Variants in TMEM245 observed in about 807,000 individuals in gnomAD.
TMEM245 encodes transmembrane protein 245, also known as protein CG-2.
TMEM245 carries 69 observed loss-of-function variants against 101.2 expected under a neutral mutation model. The observed-to-expected ratio is 0.68, with a 90% CI of 0.56 to 0.83. The LOEUF (loss-of-function observed/expected upper bound fraction) is 0.83. Ranked by LOEUF, TMEM245 falls within the 40% of genes least tolerant of loss-of-function variation. The probability of loss-of-function intolerance (pLI) is 0.00; values close to 1 mark genes in which losing one functional copy is unlikely to be tolerated. For missense variants in TMEM245, 1,075 were observed against 1,092.8 expected (o/e 0.98, Z 0.23); for synonymous variants, 537 against 449.8 (o/e 1.19, Z -2.45).
chr9:109,050,648 C>G lies in TMEM245; in HGVS notation c.1899G>C (p.Leu633=). The G allele has an allele frequency of 6.2e-7, 1 of 1,613,158 alleles. No individual in the cohort carries two copies. Among genetic ancestry groups the G allele is most frequent in the Non-Finnish European group, 8.5e-7 (1 of 1,179,862 alleles). The part of the protein sequence containing the change: ...LWIVMSRNVS[L]LFTTVTTLLT... ...AGAGTGTAGTGACAGTGGTGAACAG[C>G]AGGCTCACATTCCGGCTCATAACGA... The change falls in exon 13 of 18, where the codon CTG becomes CTC. Residue 633 remains leucine, a synonymous_variant. Coordinates refer to ENST00000374586, the MANE Select transcript of TMEM245 (RefSeq NM_032012.4).
chr9:109,034,994 T>C (rs1255067768), intron 16 of TMEM245, among the ~76,000 whole-genome samples: 2 of 151,150 alleles, frequency 1.3e-5, no homozygotes, highest in Non-Finnish European at 1.5e-5. Flanking sequence ...CCATCTCTAG[T>C]AAAAATACAA....
Position 109,036,409 on chromosome 9 carries a change from T to A in TMEM245, c.2225-29A>T, listed in dbSNP as rs887587079. 5.8e-6 allele frequency: 9 copies of A among 1,547,290 alleles called. No homozygotes were observed. The Admixed American group carries it at 1.3e-4, about 23-fold the overall frequency. On this transcript the variant is annotated intron_variant, in intron 15 of 17. Coordinates refer to ENST00000374586, the MANE Select transcript of TMEM245 (RefSeq NM_032012.4). Reference sequence around the variant, plus strand: ...AAAAAAGAGTAAAAGAAAAACAACTTAACATCATCAGCAAAACACTAACAA... The same window carrying A: ...AAAAAAGAGTAAAAGAAAAACAACTAAACATCATCAGCAAAACACTAACAA...
At chr9:109,115,651 C>T (rs1020950487) in intron 1 of TMEM245, among the ~76,000 whole-genome samples, 50 of 150,568 alleles carry the variant, frequency 3.3e-4, no homozygotes, top group African/African-American at 1.2e-3. Flanking sequence ...CTGCCTCAGC[C>T]TCCAGAGTAG....
intron 1 of TMEM245, among the ~76,000 whole-genome samples, chr9:109,109,546 T>TA (rs1830515208): frequency 6.6e-6 from 1 of 152,116 alleles, no homozygotes; most frequent in Admixed American, 6.5e-5. Flanking sequence ...AACTATCTCC[T>TA]ACGTTATTTT....
intron 12 of TMEM245, among the ~76,000 whole-genome samples, chr9:109,053,221 T>C (rs905206942): frequency 1.3e-5 from 2 of 151,700 alleles, no homozygotes; most frequent in African/African-American, 4.8e-5. Context: ...AAGCCAGGAG[T>C]TTGAGACCAG....
chr9:109,101,877 T>G (rs1038551369), intron 3 of TMEM245, among the ~76,000 whole-genome samples: 4 of 152,224 alleles, frequency 2.6e-5, no homozygotes, highest in African/African-American at 9.6e-5. Context: ...CCCTTACAGT[T>G]TTCTAGGCTG....
rs759710841 is a variant in TMEM245 at position 109,020,486 on chromosome 9, C to T, written c.2614G>A (p.Glu872Lys). Residue 872 changes from glutamate (E) to lysine (K), a missense_variant, in exon 18 of 18, where the codon GAA (glutamate) becomes AAA (lysine). Around this residue, in one of 2 missense-constraint regions of TMEM245, gnomAD observed 267 missense variants for 351.3 expected, o/e 0.76. Transcript: ENST00000374586. Reference protein sequence around the residue: ...QPQRTFRDISEDLKSSVG With the variant: ...QPQRTFRDISKDLKSSVG ...CAACCTACTGAAGATTTCAGATCTT[C>T]AGAAATGTCACGGAAAGTCCTAAAA... 22 of 1,613,900 alleles carry T rather than the reference C, an allele frequency of 1.4e-5. No homozygotes were observed. The highest frequency in any genetic ancestry group is 1.6e-5 in the Non-Finnish European group (19 of 1,179,966).
chr9:109,048,513 A>C (rs890465133), intron 14 of TMEM245, among the ~76,000 whole-genome samples: 1 of 152,226 alleles, frequency 6.6e-6, no homozygotes, highest in Non-Finnish European at 1.5e-5. Flanking sequence ...CAGAAATGCC[A>C]GCCAAAGATT....
intron 10 of TMEM245, among the ~76,000 whole-genome samples, chr9:109,060,832 A>G (rs1381572153): frequency 1.3e-5 from 2 of 152,130 alleles, no homozygotes; most frequent in Non-Finnish European, 2.9e-5. Flanking sequence ...CTCTATTATT[A>G]AGAATTACCA....
Position 109,032,989 on chromosome 9 carries a change from G to A in TMEM245, c.2594+318C>T, listed in dbSNP as rs1828009376. Among the ~76,000 whole-genome samples the A allele has an allele frequency of 2.0e-5, 3 of 151,852 alleles. No individual in the cohort carries two copies. The South Asian group carries it at 6.2e-4, about 32-fold the overall frequency. Reference sequence around the variant, plus strand: ...GATTTTTGTATTTTTAGTAGAGATGGGGTTTCGCCATGTTGGCCAGGCTGG... The same window carrying A: ...GATTTTTGTATTTTTAGTAGAGATGAGGTTTCGCCATGTTGGCCAGGCTGG... On this transcript the variant is annotated intron_variant, in intron 17 of 17. Transcript: ENST00000374586.
chr9:109,062,278 T>C (rs1386728756), intron 10 of TMEM245, among the ~76,000 whole-genome samples: 1 of 152,328 alleles, frequency 6.6e-6, no homozygotes, highest in Admixed American at 6.5e-5. Context: ...ATTACAGGCA[T>C]GAGCCACCAC....
chr9:109,112,531 A>C (rs1001029149), intron 1 of TMEM245, among the ~76,000 whole-genome samples: 2 of 148,410 alleles, frequency 1.3e-5, no homozygotes, highest in African/African-American at 5.1e-5. Context: ...GCAAGAGCAA[A>C]ACTCCATCTC....
At chr9:109,095,139 C>G (rs972878314) in intron 3 of TMEM245, among the ~76,000 whole-genome samples, 8 of 152,180 alleles carry the variant, frequency 5.3e-5, no homozygotes, top group African/African-American at 1.4e-4. Flanking sequence ...GAAATTCAAA[C>G]TCATGGTCTG....
Position 109,067,117 on chromosome 9 carries a change from T to C in TMEM245, c.1533-2550A>G, listed in dbSNP as rs560293828. 2.6e-5 allele frequency among the ~76,000 whole-genome samples: 4 copies of C among 151,858 alleles called. No individual in the cohort carries two copies. In the South Asian group the frequency reaches 8.4e-4, roughly 32 times the overall value. ...GGTATCTGGACAGATCCTTAATGAT[T>C]CACAAATGTCTATTGGGCCTGGGAA... On this transcript the variant is annotated intron_variant, in intron 9 of 17. Coordinates refer to ENST00000374586, the MANE Select transcript of TMEM245 (RefSeq NM_032012.4).
chr9:109,090,264 A>C (rs1369324802), intron 5 of TMEM245, among the ~76,000 whole-genome samples: 2 of 152,144 alleles, frequency 1.3e-5, no homozygotes, highest in Admixed American at 6.5e-5. Flanking sequence ...CCGTCTCAAA[A>C]AAAAAACAAA....
chr9:109,065,513 A>C (rs1349561539), intron 9 of TMEM245, among the ~76,000 whole-genome samples: 1 of 152,128 alleles, frequency 6.6e-6, no homozygotes, highest in Non-Finnish European at 1.5e-5. Context: ...AAGATCTTTT[A>C]AAGATAGAAT....
chr9:109,043,964 A>G (rs1340181513), intron 14 of TMEM245, among the ~76,000 whole-genome samples: 3 of 152,052 alleles, frequency 2.0e-5, no homozygotes, highest in African/African-American at 7.2e-5. Context: ...AGCCTACTGT[A>G]TATTTATACC....
Position 109,090,975 on chromosome 9 carries a change from A to G in TMEM245, c.1097T>C (p.Met366Thr), listed in dbSNP as rs1276959190. The change falls in exon 5 of 18, where the codon ATG becomes ACG. Residue 366 changes from methionine to threonine, a missense_variant. Met to Thr is a moderately conservative substitution (Grantham distance 81, BLOSUM62 -1). Around this residue, in one of 2 missense-constraint regions of TMEM245, gnomAD observed 808 missense variants for 741.5 expected, o/e 1.09. Transcript: ENST00000374586. Reference protein sequence around the residue: ...FVSLVWAIVVMQIWLNLWIVQ... With the variant: ...FVSLVWAIVVTQIWLNLWIVQ... ...AATCCACAGGTTCAACCAGATCTGC[A>G]TGACGACAATGGCCCAAACTAGAGA... is the stretch of plus-strand genomic sequence containing the variant. 2.5e-6 allele frequency: 4 copies of G among 1,614,228 alleles called. No individual in the cohort carries two copies. Among genetic ancestry groups the G allele is most frequent in the Non-Finnish European group, 8.5e-7 (1 of 1,180,048 alleles).
At chr9:109,047,558 A>G (rs1828535982) in intron 14 of TMEM245, among the ~76,000 whole-genome samples, 1 of 152,264 alleles carries the variant, frequency 6.6e-6, no homozygotes, top group East Asian at 1.9e-4. Flanking sequence ...ACTGACTGGC[A>G]AACACAACAG....
Sources: gnomAD v4.1 joint callset for allele counts (sites outside exome capture counted in the v4.1 genomes callset) on GRCh38, gnomAD v4.1.1 for gene constraint, gnomAD v4.1.1 regional missense constraint, MANE v1.5 for transcripts, NCBI Gene and HGNC (gene_info 2026-07-23, HGNC 2026-07-21) for gene names.